The following TASP1 variants were observed in gnomAD, a reference collection of about 807,000 sequenced individuals.
TASP1 encodes the protein threonine aspartase 1.
In TASP1, 16 loss-of-function variants were observed where a neutral mutation model predicts 56.6. That is an observed-to-expected ratio of 0.28 (90% CI 0.19 to 0.43). TASP1 has a LOEUF of 0.43. TASP1 is among the 20% of genes least tolerant of loss of function. The pLI, the probability that TASP1 is intolerant of heterozygous loss-of-function variation, is 1.00. For missense variants in TASP1, 393 were observed against 511.6 expected, an observed-to-expected ratio of 0.77 and a Z score of 2.24; for synonymous variants, 179 against 184.2, an observed-to-expected ratio of 0.97 and a Z score of 0.23.
chr20:13,158,203 T>C, the TASP1 span, among the ~76,000 whole-genome samples: 1 of 152,208 alleles, frequency 6.6e-6, no homozygotes, highest in African/African-American at 2.4e-5. Flanking sequence ...TTATCATTAT[T>C]ATTATTTCAC....
chr20:13,524,513 A>G (rs1248338925), intron 10 of TASP1, among the ~76,000 whole-genome samples: 1 of 152,116 alleles, frequency 6.6e-6, no homozygotes, highest in Non-Finnish European at 1.5e-5. Flanking sequence ...CCGGGCACTT[A>G]CCCTGTACAA....
the TASP1 span, among the ~76,000 whole-genome samples, chr20:13,345,729 G>A: frequency 1.1e-3 from 172 of 152,076 alleles, no homozygotes; most frequent in African/African-American, 3.8e-3. Flanking sequence ...ATGCTTGTTC[G>A]CTGAGCCAAC....
Position 13,465,613 on chromosome 20 carries a change from C to G in TASP1, c.985+17614G>C, listed in dbSNP as rs1600880942. ...GTACTTCAGTGAGTAAAAGGTTCAA[C>G]AAATTATGGTGTGTCCACACCAGGG... On this transcript the variant is annotated intron_variant, in intron 11 of 13. Coordinates refer to ENST00000337743, the MANE Select transcript of TASP1 (RefSeq NM_017714.3). Among the ~76,000 whole-genome samples, 5 of 151,962 alleles carry G rather than the reference C, an allele frequency of 3.3e-5. No individual in the cohort carries two copies. The South Asian group carries it at 1.0e-3, about 32-fold the overall frequency.
chr20:13,602,992 A>G (rs2048019305), intron 4 of TASP1, among the ~76,000 whole-genome samples: 1 of 152,156 alleles, frequency 6.6e-6, no homozygotes, highest in Non-Finnish European at 1.5e-5. Flanking sequence ...ACACTTTGGG[A>G]GGCCGAGGCA....
the TASP1 span, among the ~76,000 whole-genome samples, chr20:13,190,724 T>C: frequency 1.3e-4 from 20 of 152,084 alleles, no homozygotes; most frequent in East Asian, 3.7e-3. Context: ...AAAGCAAAAA[T>C]AGACAAATGG....
the TASP1 span, among the ~76,000 whole-genome samples, chr20:13,365,265 A>G: frequency 6.6e-6 from 1 of 152,176 alleles, no homozygotes; most frequent in African/African-American, 2.4e-5. Context: ...TTGATTGCCT[A>G]TTCTGTGCCA....
intron 13 of TASP1, among the ~76,000 whole-genome samples, chr20:13,408,423 T>C (rs1431202720): frequency 6.6e-6 from 1 of 152,184 alleles, no homozygotes; most frequent in East Asian, 1.9e-4. Flanking sequence ...TTATTAAGCA[T>C]CTCCGCATAT....
intron 5 of TASP1, among the ~76,000 whole-genome samples, chr20:13,584,007 AG>A (rs1482057490): frequency 2.0e-5 from 3 of 152,222 alleles, no homozygotes; most frequent in African/African-American, 7.2e-5. Flanking sequence ...TGAACCCAAG[AG>A]GCAGAGGTTG....
chr20:13,291,550 T>C, the TASP1 span, among the ~76,000 whole-genome samples: 1 of 152,130 alleles, frequency 6.6e-6, no homozygotes, highest in Non-Finnish European at 1.5e-5. Context: ...AGTGCCTCAC[T>C]CCCTCCTCCT....
chr20:13,366,010 A>G, the TASP1 span, among the ~76,000 whole-genome samples: 1 of 152,206 alleles, frequency 6.6e-6, no homozygotes, highest in Non-Finnish European at 1.5e-5. Flanking sequence ...ATTCAAAGAC[A>G]ACATTTAGAT....
At chr20:13,523,735 C>T (rs1321498706) in intron 10 of TASP1, among the ~76,000 whole-genome samples, 1 of 152,078 alleles carries the variant, frequency 6.6e-6, no homozygotes, top group Non-Finnish European at 1.5e-5. Context: ...AGAGCCAAGA[C>T]CTTAAAAAGC....
At chr20:13,253,293 G>A in the TASP1 span, among the ~76,000 whole-genome samples, 375 of 152,270 alleles carry the variant, frequency 2.5e-3, 6 homozygotes, top group East Asian at 0.054. Context: ...CAGAGGGTGA[G>A]GAGCTCTGCC....
At chr20:13,271,139 G>T in the TASP1 span, among the ~76,000 whole-genome samples, 6 of 152,216 alleles carry the variant, frequency 3.9e-5, no homozygotes, top group East Asian at 1.2e-3. Flanking sequence ...CCTGTGAATA[G>T]ATTGGGCAAA....
At chr20:13,270,750 C>T in the TASP1 span, 1 of 1,612,406 alleles carries the variant, frequency 6.2e-7, no homozygotes, top group Non-Finnish European at 8.5e-7. Context: ...CCAGGTAATT[C>T]TTGGCACCTG....
At chr20:13,417,227 C>T (rs1007788969) in intron 13 of TASP1, among the ~76,000 whole-genome samples, 1 of 152,192 alleles carries the variant, frequency 6.6e-6, no homozygotes, top group Non-Finnish European at 1.5e-5. Context: ...TGGGCAGGCT[C>T]CTCCTAATGC....
intron 10 of TASP1, among the ~76,000 whole-genome samples, chr20:13,519,156 A>G (rs1464956993): frequency 1.3e-5 from 2 of 152,156 alleles, no homozygotes; most frequent in African/African-American, 4.8e-5. Flanking sequence ...GATAGGAACA[A>G]TAGACAATGA....
At chr20:13,360,884 C>G in the TASP1 span, among the ~76,000 whole-genome samples, 1 of 152,148 alleles carries the variant, frequency 6.6e-6, no homozygotes, top group Non-Finnish European at 1.5e-5. Context: ...CACATTTCCC[C>G]AAATTTCCTT....
At chr20:13,423,214 A>G (rs2042506852) in intron 12 of TASP1, among the ~76,000 whole-genome samples, 1 of 152,228 alleles carries the variant, frequency 6.6e-6, no homozygotes, top group Non-Finnish European at 1.5e-5. Flanking sequence ...TGGATATGGA[A>G]CCAACTACAC....
chr20:13,298,358 C>T, the TASP1 span, among the ~76,000 whole-genome samples: 14,012 of 152,154 alleles, frequency 0.092, 918 homozygotes, highest in Middle Eastern at 0.14. Context: ...TAAGATGATC[C>T]GCCCGCCTCA....
Sources: gnomAD v4.1 joint callset for allele counts (sites outside exome capture counted in the v4.1 genomes callset) on GRCh38, gnomAD v4.1.1 for gene constraint, MANE v1.5 for transcripts, NCBI Gene and HGNC (gene_info 2026-07-23, HGNC 2026-07-21) for gene names.